ACVR1: variants seen among roughly 807,000 people sequenced by gnomAD.
ACVR1 encodes activin receptor type-1.
Under a neutral mutation model 57.1 loss-of-function variants are expected in ACVR1, and 38 were observed. That is an observed-to-expected ratio of 0.67 (90% CI 0.51 to 0.87). The LOEUF (loss-of-function observed/expected upper bound fraction) is 0.87, where lower values mean the gene tolerates loss of function less well. Among genes scored for constraint, ACVR1 ranks in the 40% least tolerant of loss-of-function variants. The pLI is 0.00. For synonymous variants in ACVR1, 212 were observed against 228.1 expected (o/e 0.93, Z 0.63); for missense variants, 463 against 638.2 (o/e 0.73, Z 2.96).
intron 6 of ACVR1, among the ~76,000 whole-genome samples, chr2:157,773,513 GA>G (rs1221892999): frequency 6.6e-6 from 1 of 151,844 alleles, no homozygotes; most frequent in Non-Finnish European, 1.5e-5. Flanking sequence ...GCTTAAAACT[GA>G]AAAAAGGGAC....
At chr2:157,753,024 T>C (rs1685267943) in intron 9 of ACVR1, among the ~76,000 whole-genome samples, 1 of 152,058 alleles carries the variant, frequency 6.6e-6, no homozygotes, top group Non-Finnish European at 1.5e-5. Context: ...AATTGCAAAA[T>C]AGATAAGAAT....
intron 3 of ACVR1, among the ~76,000 whole-genome samples, chr2:157,798,005 A>T (rs970218041): frequency 2.6e-5 from 4 of 152,156 alleles, no homozygotes; most frequent in African/African-American, 9.7e-5. Flanking sequence ...TTGAACTTAG[A>T]CTTCCCAGCC....
chr2:157,768,905 C>T (rs539541813), intron 7 of ACVR1, among the ~76,000 whole-genome samples: 39 of 152,266 alleles, frequency 2.6e-4, no homozygotes, highest in African/African-American at 9.1e-4. Flanking sequence ...AGTAATGATC[C>T]ATTGCATGTT....
intron 2 of ACVR1, among the ~76,000 whole-genome samples, chr2:157,800,929 T>C (rs1687301829): frequency 6.6e-6 from 1 of 151,942 alleles, no homozygotes; most frequent in South Asian, 2.1e-4. Context: ...CCTCCTGTCA[T>C]ACATGATTCC....
chr2:157,755,056 G>T (rs955788849), intron 9 of ACVR1, among the ~76,000 whole-genome samples: 2 of 152,066 alleles, frequency 1.3e-5, no homozygotes, highest in Non-Finnish European at 2.9e-5. Flanking sequence ...ATAAAATCCA[G>T]CATCCCTTTA....
chr2:157,776,452 C>T (rs1017758870), intron 5 of ACVR1, among the ~76,000 whole-genome samples: 4 of 134,196 alleles, frequency 3.0e-5, no homozygotes, highest in African/African-American at 1.1e-4. Flanking sequence ...AAATAGACTT[C>T]TAAGTATATA....
chr2:157,823,129 A>T (rs1688216267), intron 1 of ACVR1, among the ~76,000 whole-genome samples: 1 of 152,204 alleles, frequency 6.6e-6, no homozygotes, highest in African/African-American at 2.4e-5. Flanking sequence ...ATTCTCTCCC[A>T]CATGCTCCTA....
chr2:157,822,849 AAG>A (rs1688207940), intron 1 of ACVR1, among the ~76,000 whole-genome samples: 1 of 152,228 alleles, frequency 6.6e-6, no homozygotes, highest in Admixed American at 6.5e-5. Flanking sequence ...GCCCTTTAGA[AAG>A]AGACTTTGTT....
At chr2:157,746,212 C>G (rs1332762018) in intron 9 of ACVR1, among the ~76,000 whole-genome samples, 1 of 152,184 alleles carries the variant, frequency 6.6e-6, no homozygotes, top group Non-Finnish European at 1.5e-5. Context: ...CCTTCATCAC[C>G]CATTTTCCGT....
At chr2:157,863,861 C>A (rs1468927237) in intron 1 of ACVR1, among the ~76,000 whole-genome samples, 2 of 149,046 alleles carry the variant, frequency 1.3e-5, no homozygotes, top group Admixed American at 6.7e-5. Flanking sequence ...GTTGCAGGAG[C>A]AAATTCTTTT....
chr2:157,865,566 C>T (rs760864003), intron 1 of ACVR1, among the ~76,000 whole-genome samples: 1 of 151,936 alleles, frequency 6.6e-6, no homozygotes, highest in Non-Finnish European at 1.5e-5. Flanking sequence ...CCGAGGCGGG[C>T]AGATCACCTG....
At chr2:157,747,639 C>T (rs1365914333) in intron 9 of ACVR1, among the ~76,000 whole-genome samples, 1 of 152,136 alleles carries the variant, frequency 6.6e-6, no homozygotes, top group Non-Finnish European at 1.5e-5. Context: ...ATTTCTCCTA[C>T]TCATTTTTTT....
chr2:157,745,173 C>A (rs1039239736), intron 9 of ACVR1, among the ~76,000 whole-genome samples: 1 of 151,994 alleles, frequency 6.6e-6, no homozygotes, highest in Non-Finnish European at 1.5e-5. Flanking sequence ...GTAGTTGGAC[C>A]CTACTAAAAG....
Position 157,855,317 on chromosome 2 carries a change from T to C in ACVR1, c.-183+20479A>G, listed in dbSNP as rs1179281915. On this transcript the variant is annotated intron_variant, in intron 1 of 10. Transcript: ENST00000434821. ...GTGTGTGTGTGTGTGTGTATATATA[T>C]ATATATACACACACACACACACACA... 3.7e-3 allele frequency among the ~76,000 whole-genome samples: 399 copies of C among 107,574 alleles called. 1 individual carries two copies. The highest frequency in any genetic ancestry group is 0.013 in the South Asian group (34 of 2,632). The allele number at this position is 107,574 out of a possible 152,430, so 70.6% of individuals were successfully genotyped here. A position where few individuals can be genotyped will look rare whatever the true frequency, so the allele number is the denominator to read the frequency against.
intron 4 of ACVR1, 54 bp from the exon 5 acceptor site, chr2:157,778,396 T>C: frequency 1.4e-6 from 2 of 1,425,012 alleles, no homozygotes; most frequent in South Asian, 2.4e-5. Flanking sequence ...GCTTACTTAT[T>C]ATTAGCATAA....
At chr2:157,777,922 C>T (rs1273323602) in intron 5 of ACVR1, among the ~76,000 whole-genome samples, 2 of 152,104 alleles carry the variant, frequency 1.3e-5, no homozygotes, top group Non-Finnish European at 2.9e-5. Flanking sequence ...AAATCCCATC[C>T]CTTATTTAAA....
chr2:157,737,784 A>C, intron 10 of ACVR1, 119 bp from the exon 11 acceptor site: 1 of 1,316,118 alleles, frequency 7.6e-7, no homozygotes, highest in South Asian at 1.2e-5. Flanking sequence ...AATTAGAGTT[A>C]TGTTACTGTC....
At chr2:157,843,694 T>C (rs892620395) in intron 1 of ACVR1, among the ~76,000 whole-genome samples, 1 of 152,146 alleles carries the variant, frequency 6.6e-6, no homozygotes, top group Non-Finnish European at 1.5e-5. Context: ...AGGATTAACA[T>C]GTACCTTCTA....
intron 3 of ACVR1, among the ~76,000 whole-genome samples, chr2:157,784,794 T>A (rs921805407): frequency 5.3e-5 from 8 of 152,238 alleles, no homozygotes; most frequent in Admixed American, 6.5e-5. Flanking sequence ...CTCTGTATGA[T>A]CCTCAGTTCA....
Sources: allele counts gnomAD v4.1 joint callset (sites outside exome capture counted in the v4.1 genomes callset), GRCh38; gene constraint gnomAD v4.1.1; transcripts MANE v1.5; gene names NCBI Gene and HGNC (gene_info 2026-07-23, HGNC 2026-07-21).